The following GNG4 variants were observed in gnomAD, a reference collection of about 807,000 sequenced individuals.
GNG4 encodes G protein subunit gamma 4.
GNG4 carries 4 observed loss-of-function variants against 5.8 expected under a neutral mutation model. The ratio of observed to expected loss-of-function variants is 0.69; its 90% CI spans 0.34 to 1.57. The LOEUF (loss-of-function observed/expected upper bound fraction) is 1.57, where lower values mean the gene tolerates loss of function less well. GNG4 is among the 40% of genes most tolerant of loss of function. The pLI is 0.06. For synonymous variants in GNG4, 29 were observed against 32.9 expected (o/e 0.88, Z 0.41); for missense variants, 96 against 95.1 (o/e 1.01, Z -0.04).
chr1:235,629,012 T>C (rs1256919104), intron 1 of GNG4, among the ~76,000 whole-genome samples: 1 of 144,722 alleles, frequency 6.9e-6, no homozygotes, highest in Non-Finnish European at 1.5e-5. Context: ...TTTTTTTTTT[T>C]GCTTTTTTGT....
At chr1:235,610,139 C>A (rs1297877847) in intron 1 of GNG4, among the ~76,000 whole-genome samples, 2 of 152,198 alleles carry the variant, frequency 1.3e-5, no homozygotes, top group Admixed American at 6.5e-5. Context: ...CCTCTTTAAC[C>A]CCTCAGCCCT....
At position 235,561,078 on chromosome 1, in the gene GNG4, C is replaced by T. The variant is rs553647456; in HGVS notation, c.100-8841G>A. ...AGGCTGCAGTGCAGTGGCGCCATCT[C>T]GGCTCACTGCAAGCTCCACCTCACG... On this transcript the variant is annotated intron_variant, in intron 3 of 3. Transcript: ENST00000391854. 7.2e-5 allele frequency among the ~76,000 whole-genome samples: 11 copies of T among 152,300 alleles called. No homozygotes were observed. The East Asian group carries it at 9.7e-4, about 13-fold the overall frequency.
intron 3 of GNG4, among the ~76,000 whole-genome samples, chr1:235,560,849 A>G (rs939084808): frequency 2.6e-5 from 4 of 152,142 alleles, no homozygotes; most frequent in Non-Finnish European, 5.9e-5. Context: ...CCTTTCCTCA[A>G]TATGGCCAGA....
At chr1:235,619,916 G>A (rs1688670920) in intron 1 of GNG4, among the ~76,000 whole-genome samples, 1 of 152,176 alleles carries the variant, frequency 6.6e-6, no homozygotes, top group Non-Finnish European at 1.5e-5. Context: ...GTTAGAGTTA[G>A]CAGGTTTCTT....
intron 3 of GNG4, among the ~76,000 whole-genome samples, chr1:235,579,838 G>T (rs974438657): frequency 2.2e-4 from 6 of 26,978 alleles, no homozygotes. Context: ...GCAACAGAGT[G>T]AGACTCCATC....
chr1:235,591,843 T>C (rs919232482), intron 2 of GNG4, among the ~76,000 whole-genome samples: 2 of 152,202 alleles, frequency 1.3e-5, no homozygotes, highest in African/African-American at 2.4e-5. Flanking sequence ...CTCATGCACA[T>C]AGGTCGCACC....
intron 1 of GNG4, among the ~76,000 whole-genome samples, chr1:235,628,837 T>G (rs1688875430): frequency 6.6e-6 from 1 of 152,134 alleles, no homozygotes; most frequent in Non-Finnish European, 1.5e-5. Context: ...TCTGTATGGC[T>G]TCTCTCAGGG....
chr1:235,608,714 C>T (rs185446911), intron 1 of GNG4, among the ~76,000 whole-genome samples: 249 of 149,972 alleles, frequency 1.7e-3, no homozygotes, highest in African/African-American at 6.0e-3. Context: ...GACGGAGTCT[C>T]ACTCTGTCAC....
intron 1 of GNG4, among the ~76,000 whole-genome samples, chr1:235,621,459 T>G (rs1688709845): frequency 6.7e-6 from 1 of 148,576 alleles, no homozygotes; most frequent in African/African-American, 2.5e-5. Context: ...GCCTGGCTAA[T>G]TATTTTTGTA....
chr1:235,562,647 G>GAAAAAAAAAAGAA (rs1687094443), intron 3 of GNG4, among the ~76,000 whole-genome samples: 1 of 21,686 alleles, frequency 4.6e-5, no homozygotes, highest in Non-Finnish European at 1.1e-4. Context: ...TCTGTCTCAA[G>GAAAAAAAAAAGAA]AAAAAAAAAA....
intron 1 of GNG4, chr1:235,616,263 C>T (rs552377262): frequency 2.3e-5 from 11 of 486,946 alleles, no homozygotes; most frequent in Admixed American, 1.9e-4. Flanking sequence ...TTCCCTGAGA[C>T]GAATGAGGTC....
rs549574173 is a variant in GNG4 at position 235,617,526 on chromosome 1, A to T, written c.-122-22015T>A. Among the ~76,000 whole-genome samples the T allele has an allele frequency of 5.9e-5, 9 of 152,328 alleles. No individual in the cohort carries two copies. In the South Asian group the frequency reaches 1.9e-3, roughly 32 times the overall value. On this transcript the variant is annotated intron_variant, in intron 1 of 3. Transcript: ENST00000391854. ...GTCAACACTGACAGAATGGAAGGTCAGAGAGTCTACAAGGAAACAATGTTT... is the reference window on the plus strand; with the variant it reads ...GTCAACACTGACAGAATGGAAGGTCTGAGAGTCTACAAGGAAACAATGTTT...
At chr1:235,605,259 C>T (rs576046915) in intron 1 of GNG4, among the ~76,000 whole-genome samples, 26 of 151,578 alleles carry the variant, frequency 1.7e-4, no homozygotes, top group African/African-American at 4.4e-4. Context: ...GGCACGATCC[C>T]GGCTCACTAC....
upstream of GNG4, chr1:235,649,887 C>T: frequency 6.7e-6 from 1 of 149,594 alleles, no homozygotes; most frequent in Non-Finnish European, 1.5e-5. This position sits in a 1 kb window ranked among gnomAD's most constrained non-coding sequence, Gnocchi z 5.7. Context: ...GGGGCGCAGG[C>T]GGACCCTCCC....
intron 2 of GNG4, among the ~76,000 whole-genome samples, chr1:235,587,312 GGT>G (rs1342173591): frequency 6.8e-5 from 5 of 73,498 alleles, no homozygotes; most frequent in Admixed American, 1.3e-4. Context: ...GAGGGTGAGG[GGT>G]GTGTGTGTGT....
At chr1:235,620,190 CCT>C (rs1451954869) in intron 1 of GNG4, among the ~76,000 whole-genome samples, 1 of 152,190 alleles carries the variant, frequency 6.6e-6, no homozygotes, top group African/African-American at 2.4e-5. Flanking sequence ...ATGGAGAAAC[CCT>C]GTCTCTATTA....
chr1:235,582,882 G>A (rs1040754690), intron 3 of GNG4, among the ~76,000 whole-genome samples: 7 of 152,158 alleles, frequency 4.6e-5, no homozygotes, highest in African/African-American at 1.7e-4. Flanking sequence ...AAGAATAACT[G>A]TCCACACAGA....
At chr1:235,600,376 A>C (rs1229182011) in intron 1 of GNG4, among the ~76,000 whole-genome samples, 6 of 151,744 alleles carry the variant, frequency 4.0e-5, no homozygotes, top group Non-Finnish European at 7.4e-5. Flanking sequence ...TGGCCTCCCA[A>C]AGCGTTGGGA....
chr1:235,596,868 G>A (rs779177732), intron 1 of GNG4, among the ~76,000 whole-genome samples: 5 of 151,746 alleles, frequency 3.3e-5, no homozygotes, highest in Admixed American at 6.6e-5. Context: ...GACTACAGGC[G>A]TCCACTACCA....
Sources: gnomAD v4.1 joint callset for allele counts (sites outside exome capture counted in the v4.1 genomes callset) on GRCh38, gnomAD v4.1.1 for gene constraint, Gnocchi (gnomAD v3.1) non-coding constraint, MANE v1.5 for transcripts, NCBI Gene and HGNC (gene_info 2026-07-23, HGNC 2026-07-21) for gene names.